The following NRXN1 variants were observed in gnomAD, a reference collection of about 807,000 sequenced individuals.
NRXN1 encodes the protein neurexin-1.
Under a neutral mutation model 150.9 loss-of-function variants are expected in NRXN1, and 39 were observed. The observed-to-expected ratio is 0.26, with a 90% CI of 0.20 to 0.34. NRXN1 has a LOEUF of 0.34. Ranked by LOEUF, NRXN1 falls within the 10% of genes least tolerant of loss-of-function variation. NRXN1 has a pLI of 1.00. For synonymous variants in NRXN1, 924 were observed against 757.0 expected, an observed-to-expected ratio of 1.22 and a Z score of -3.62; for missense variants, 1,815 against 1,949.9, an observed-to-expected ratio of 0.93 and a Z score of 1.30.
chr2:50,791,694 C>T lies in NRXN1; in HGVS notation c.832+130175G>A, dbSNP rs116520141. Among the ~76,000 whole-genome samples, 251 of 152,120 alleles carry T rather than the reference C, an allele frequency of 1.7e-3. 1 individual carries two copies. Among genetic ancestry groups the T allele is most frequent in the Non-Finnish European group, 3.2e-3 (218 of 68,004 alleles). ...CTGCAGCGTATTCAAATTGTATAGC[C>T]GCAATTATACTCCCTGGCTGTGGTA... On this transcript the variant is annotated intron_variant, in intron 5 of 22. Transcript: ENST00000401669.
Position 51,028,358 on chromosome 2 carries a change from C to A in NRXN1, c.-85G>T. On this transcript the variant is annotated 5_prime_UTR_variant, in exon 2 of 23. Transcript: ENST00000401669. The stretch of plus-strand genomic sequence containing the variant: ...ACACCGTGACGAAGAAATAAGGGTC[C>A]CGAGAGACAGAAAGGTAAGGGGAAA... 1.1e-6 allele frequency: 1 copy of A among 901,284 alleles called. No homozygotes were observed. Among genetic ancestry groups the A allele is most frequent in the South Asian group, 2.4e-5 (1 of 41,238 alleles). 55.8% of individuals were successfully genotyped at this position (901,284 alleles called of 1,614,324 possible).
chr2:50,737,195 C>CA (rs1264278683), intron 5 of NRXN1, among the ~76,000 whole-genome samples: 6 of 150,444 alleles, frequency 4.0e-5, no homozygotes, highest in South Asian at 2.1e-4. Context: ...AACTCCATTT[C>CA]AAAAAAAAAG....
chr2:50,635,910 A>C (rs1254168243), intron 5 of NRXN1, among the ~76,000 whole-genome samples: 1 of 152,190 alleles, frequency 6.6e-6, no homozygotes, highest in Non-Finnish European at 1.5e-5. Context: ...AGAAGGTTCT[A>C]ATCAACAATT....
At chr2:50,832,305 T>G (rs1671516984) in intron 5 of NRXN1, among the ~76,000 whole-genome samples, 1 of 151,980 alleles carries the variant, frequency 6.6e-6, no homozygotes, top group Non-Finnish European at 1.5e-5. Flanking sequence ...AGTGAGAGCT[T>G]AATAGAGGAA....
At chr2:50,300,469 A>T (rs1483682864) in intron 17 of NRXN1, among the ~76,000 whole-genome samples, 1 of 152,166 alleles carries the variant, frequency 6.6e-6, no homozygotes, top group Non-Finnish European at 1.5e-5. Flanking sequence ...AGAGACTTAA[A>T]ATTGTCCCAT....
chr2:50,255,744 A>G (rs1348517825), intron 17 of NRXN1, among the ~76,000 whole-genome samples: 1 of 152,210 alleles, frequency 6.6e-6, no homozygotes, highest in Non-Finnish European at 1.5e-5. Context: ...GTATTCAAAT[A>G]AAGTTTGCAT....
intron 17 of NRXN1, among the ~76,000 whole-genome samples, chr2:50,369,177 A>G (rs1448594528): frequency 6.6e-6 from 1 of 152,032 alleles, no homozygotes; most frequent in East Asian, 1.9e-4. Flanking sequence ...TGTCTAGCTC[A>G]GAGAAAGAGG....
At chr2:50,335,631 A>G (rs1417321193) in intron 17 of NRXN1, among the ~76,000 whole-genome samples, 4 of 152,246 alleles carry the variant, frequency 2.6e-5, no homozygotes, top group African/African-American at 9.6e-5. Flanking sequence ...TAGCCTTGAC[A>G]GTTCAGTTCT....
rs1574940667 is a variant in NRXN1 at position 50,922,773 on chromosome 2, C to A, written c.791-86G>T. 4.5e-5 allele frequency: 57 copies of A among 1,279,202 alleles called. 1 individual carries two copies. The East Asian group carries it at 1.4e-3, about 31-fold the overall frequency. The allele number at this position is 1,279,202 out of a possible 1,614,324, so 79.2% of individuals were successfully genotyped here. ...TCACGGTGACAAAAATGTTCAGTGA[C>A]AGACATCTCTTTTCCTATGAGACAT... On this transcript the variant is annotated intron_variant, in intron 3 of 22. Coordinates refer to ENST00000401669, the MANE Select transcript of NRXN1 (RefSeq NM_001330078.2).
intron 8 of NRXN1, among the ~76,000 whole-genome samples, chr2:50,581,886 A>G (rs1285279617): frequency 6.6e-6 from 1 of 152,204 alleles, no homozygotes; most frequent in Non-Finnish European, 1.5e-5. Context: ...TATATAAACT[A>G]GGTGCGCTTG....
intron 18 of NRXN1, among the ~76,000 whole-genome samples, chr2:50,108,780 T>C (rs1428341232): frequency 2.0e-5 from 3 of 152,124 alleles, no homozygotes; most frequent in East Asian, 3.8e-4. Context: ...AGTTTTACAT[T>C]GTCACCAATA....
intron 17 of NRXN1, among the ~76,000 whole-genome samples, chr2:50,338,394 A>AT (rs142828215): frequency 0.011 from 1,625 of 152,306 alleles, 26 homozygotes; most frequent in African/African-American, 0.037. Context: ...AGTATGAAAT[A>AT]AAAGGAAATA....
intron 5 of NRXN1, among the ~76,000 whole-genome samples, chr2:50,653,713 C>T (rs915356377): frequency 2.0e-5 from 3 of 151,908 alleles, no homozygotes; most frequent in Non-Finnish European, 4.4e-5. Context: ...TATTAGTATA[C>T]CATAATCGTT....
At chr2:50,993,248 G>A (rs1412427425) in intron 2 of NRXN1, among the ~76,000 whole-genome samples, 1 of 151,888 alleles carries the variant, frequency 6.6e-6, no homozygotes, top group African/African-American at 2.4e-5. Flanking sequence ...GATAATCTAA[G>A]TCTTTCATTT....
At chr2:50,725,664 C>A (rs950685955) in intron 5 of NRXN1, among the ~76,000 whole-genome samples, 1 of 152,092 alleles carries the variant, frequency 6.6e-6, no homozygotes, top group Admixed American at 6.5e-5. Flanking sequence ...AACAGCCAAT[C>A]TGAGGTTATT....
At chr2:50,280,958 A>G (rs2071353970) in intron 17 of NRXN1, among the ~76,000 whole-genome samples, 2 of 152,152 alleles carry the variant, frequency 1.3e-5, no homozygotes, top group South Asian at 4.2e-4. Context: ...CATTTCAGGG[A>G]CCATGTTAAA....
At chr2:50,880,238 T>C (rs1679226565) in intron 5 of NRXN1, among the ~76,000 whole-genome samples, 1 of 151,988 alleles carries the variant, frequency 6.6e-6, no homozygotes, top group African/African-American at 2.4e-5. Context: ...ACTTTATATG[T>C]TGGCACCCAA....
intron 19 of NRXN1, among the ~76,000 whole-genome samples, chr2:50,081,875 T>A (rs1156291103): frequency 1.3e-5 from 2 of 152,184 alleles, no homozygotes; most frequent in Non-Finnish European, 2.9e-5. Context: ...GAGTTGGGAA[T>A]GTGACTTCTT....
At position 49,921,950 on chromosome 2, in the gene NRXN1, A is replaced by T; in HGVS notation, c.4518T>A (p.Tyr1506Ter). 6.2e-7 allele frequency: 1 copy of T among 1,614,162 alleles called. No individual in the cohort carries two copies. Among genetic ancestry groups the T allele is most frequent in the Non-Finnish European group, 8.5e-7 (1 of 1,180,002 alleles). Residue 1506 changes from tyrosine to a stop codon, truncating the protein, a stop_gained, in exon 23 of 23, where the codon TAT (tyrosine) becomes TAA (stop). Transcript: ENST00000401669. LOFTEE classifies it high-confidence loss of function. ...TCCATTTAAGATCTTGGGATCAGAC[A>T]TAATACTCTTTATCCTTGTTTTTCT... ...KNKKNKDKEY[Y>*]V
Sources: allele counts gnomAD v4.1 joint callset (sites outside exome capture counted in the v4.1 genomes callset), GRCh38; gene constraint gnomAD v4.1.1; transcripts MANE v1.5; gene names NCBI Gene and HGNC (gene_info 2026-07-23, HGNC 2026-07-21).